Variants in GABRA6 observed in about 807,000 individuals in gnomAD.
GABRA6 encodes gamma-aminobutyric acid type A receptor subunit alpha6.
A neutral mutation model predicts 47.3 loss-of-function variants in GABRA6; 45 were observed. The observed-to-expected ratio is 0.95, with a 90% CI of 0.75 to 1.22. The LOEUF is 1.22. Ranked by LOEUF, GABRA6 falls within the 50% of genes most tolerant of loss-of-function variation. The probability of loss-of-function intolerance (pLI) is 0.00; values close to 1 mark genes in which losing one functional copy is unlikely to be tolerated. For synonymous variants in GABRA6, 219 were observed against 194.7 expected (o/e 1.12, Z -1.04); for missense variants, 583 against 549.3 (o/e 1.06, Z -0.61).
chr5:161,697,513 C>T (rs182015355), intron 8 of GABRA6, among the ~76,000 whole-genome samples: 1 of 152,228 alleles, frequency 6.6e-6, no homozygotes, highest in Non-Finnish European at 1.5e-5. Context: ...CCAATCACTC[C>T]CGGGCAGTGG....
chr5:161,692,933 AATTAT>A (rs2113077115), intron 8 of GABRA6, among the ~76,000 whole-genome samples: 1 of 152,326 alleles, frequency 6.6e-6, no homozygotes, highest in East Asian at 1.9e-4. Context: ...CATAAAATTA[AATTAT>A]AACAACAATT....
Position 161,701,524 on chromosome 5 carries a change from G to GAA in GABRA6, c.1116_1117dup (p.Arg373LysfsTer10). 1.2e-6 allele frequency: 2 copies of GAA among 1,614,136 alleles called. No individual in the cohort carries two copies. Among genetic ancestry groups the GAA allele is most frequent in the Non-Finnish European group, 1.7e-6 (2 of 1,180,022 alleles). Reference sequence around the variant, plus strand: ...ATCCTGACTCCAAATATCATCTGAAGAAAAGGATCACTTCTCTGTCTTTGC... The same window carrying GAA: ...ATCCTGACTCCAAATATCATCTGAAGAAAAAAGGATCACTTCTCTGTCTTTGC... On this transcript the variant is annotated frameshift_variant, in exon 9 of 9. Coordinates refer to ENST00000274545, the MANE Select transcript of GABRA6 (RefSeq NM_000811.3). LOFTEE classifies it high-confidence loss of function.
rs1385191317 is a variant in GABRA6, at chr5:161,689,275, T to C, written c.468T>C (p.Cys156=). ...CTAGGCTTACCATCAATGCTGACTG[T>C]CCCATGAGGCTGGTTAACTTTCCTA... The part of the protein sequence containing the change: ...YTMRLTINAD[C]PMRLVNFPMD... The change falls in exon 5 of 9, where the codon TGT becomes TGC. Residue 156 remains cysteine, a synonymous_variant. Coordinates refer to ENST00000274545, the MANE Select transcript of GABRA6 (RefSeq NM_000811.3). 1 of 1,613,958 alleles carries C rather than the reference T, an allele frequency of 6.2e-7. No individual in the cohort carries two copies. Among genetic ancestry groups the C allele is most frequent in the Admixed American group, 1.7e-5 (1 of 60,004 alleles).
rs1239349002 is a variant in GABRA6, at chr5:161,691,926, T to A, written c.827-15T>A. On this transcript the variant is annotated splice_polypyrimidine_tract_variant and intron_variant, in intron 7 of 8. Coordinates refer to ENST00000274545, the MANE Select transcript of GABRA6 (RefSeq NM_000811.3). Reference sequence around the variant, plus strand: ...CCAGTACTAATATTACAATTCCTATTCTTTTTTATTTTAGGGATCACCACT... The same window carrying A: ...CCAGTACTAATATTACAATTCCTATACTTTTTTATTTTAGGGATCACCACT... 2 of 1,610,900 alleles carry A rather than the reference T, an allele frequency of 1.2e-6. No individual in the cohort carries two copies. The highest frequency in any genetic ancestry group is 2.2e-5 in the South Asian group (2 of 91,022).
In GABRA6 at chr5:161,702,563, A is replaced by T. The variant is rs1219927566; in HGVS notation, c.*790A>T. 6.6e-6 allele frequency: 1 copy of T among 152,186 alleles called. No homozygotes were observed. The highest frequency in any genetic ancestry group is 2.4e-5 in the African/African-American group (1 of 41,464). 9.4% of individuals were successfully genotyped at this position (152,186 alleles called of 1,614,324 possible). ...TCTTGTGTTTTCCACATTTCCAATT[A>T]TAACACTAAATAAAACAACAATAAA... On this transcript the variant is annotated 3_prime_UTR_variant, in exon 9 of 9. Transcript: ENST00000274545.
At position 161,690,319 on chromosome 5, in the gene GABRA6, T is replaced by G. The variant is rs1242250458; in HGVS notation, c.792T>G (p.Ile264Met). 6.2e-7 allele frequency: 1 copy of G among 1,613,732 alleles called. No homozygotes were observed. The highest frequency in any genetic ancestry group is 1.3e-5 in the African/African-American group (1 of 74,926). The change falls in exon 7 of 9, where the codon ATT (isoleucine) becomes ATG (methionine). Residue 264 changes from isoleucine to methionine, a missense_variant. Coordinates refer to ENST00000274545, the MANE Select transcript of GABRA6 (RefSeq NM_000811.3). ...TTCTTTCCCAGGTGTCTTTCTGGAT[T>G]AATAAGGAGTCCGTCCCAGCAAGAA... ...TVILSQVSFW[I>M]NKESVPARTV...
chr5:161,695,905 A>G (rs1754877931), intron 8 of GABRA6, among the ~76,000 whole-genome samples: 1 of 152,004 alleles, frequency 6.6e-6, no homozygotes. Flanking sequence ...TTTATGTGCC[A>G]GGCCTTTTGT....
rs773585316 is a variant in GABRA6, at chr5:161,701,567, G to A, written c.1156G>A (p.Glu386Lys). The A allele has an allele frequency of 7.2e-5, 116 of 1,613,972 alleles. 1 individual carries two copies. Among genetic ancestry groups the A allele is most frequent in the South Asian group, 2.0e-4 (18 of 91,084 alleles). The change falls in exon 9 of 9, where the codon GAG becomes AAG. Residue 386 changes from glutamate (E) to lysine (K), a missense_variant. By Grantham distance (56) the Glu-to-Lys change is moderately conservative. Coordinates refer to ENST00000274545, the MANE Select transcript of GABRA6 (RefSeq NM_000811.3). ...GTCTTTGCCAATAGTTTCATCTTCC[G>A]AGGCCAATAAAGTGCTCACGAGAGC... is the stretch of plus-strand genomic sequence containing the variant. Reference protein sequence around the residue: ...SLSLPIVSSSEANKVLTRAPI... With the variant: ...SLSLPIVSSSKANKVLTRAPI...
At chr5:161,700,064 C>T (rs1273696069) in intron 8 of GABRA6, among the ~76,000 whole-genome samples, 2 of 152,194 alleles carry the variant, frequency 1.3e-5, no homozygotes, top group Admixed American at 1.3e-4. Flanking sequence ...ATTTAGATAC[C>T]CAGTAAGTTT....
In GABRA6 at chr5:161,686,308, G is replaced by A. The variant is rs1581120265; in HGVS notation, c.117G>A (p.Leu39=). 1 of 1,614,060 alleles carries A rather than the reference G, an allele frequency of 6.2e-7. No homozygotes were observed. Among genetic ancestry groups the A allele is most frequent in the South Asian group, 1.1e-5 (1 of 91,088 alleles). The change falls in exon 2 of 9, where the codon TTG becomes TTA. Residue 39 remains leucine (L), a synonymous_variant. Transcript: ENST00000274545. ...ACGTCAGTCGGATCCTGGACAACTT[G>A]CTTGAAGGCTATGACAATCGGCTGC... ...SENVSRILDN[L]LEGYDNRLRP... is the part of the protein sequence containing the mutation.
chr5:161,698,770 C>T (rs1383174855), intron 8 of GABRA6, among the ~76,000 whole-genome samples: 1 of 152,072 alleles, frequency 6.6e-6, no homozygotes, highest in Non-Finnish European at 1.5e-5. Context: ...TTCCAACTCT[C>T]CTTGTTCTCT....
chr5:161,692,146 A>G lies in GABRA6; in HGVS notation c.1032A>G (p.Pro344=), dbSNP rs1001887112. Reference sequence around the variant, plus strand: ...AAAGGAAGGCACAGTTTGCAGCCCCACCCACAGTGACAATATCAAAAGCTA... The same window carrying G: ...AAAGGAAGGCACAGTTTGCAGCCCCGCCCACAGTGACAATATCAAAAGCTA... ...KAKRKAQFAA[P]PTVTISKATE... is the part of the protein sequence containing the mutation. Residue 344 remains proline, a synonymous_variant, in exon 8 of 9, where the codon CCA becomes CCG. Transcript: ENST00000274545. 9 of 1,614,082 alleles carry G rather than the reference A, an allele frequency of 5.6e-6. No homozygotes were observed. The highest frequency in any genetic ancestry group is 6.8e-6 in the Non-Finnish European group (8 of 1,180,022).
chr5:161,688,024 C>T (rs1009587508), intron 3 of GABRA6, among the ~76,000 whole-genome samples: 1 of 152,076 alleles, frequency 6.6e-6, no homozygotes, highest in African/African-American at 2.4e-5. Context: ...CAAGTATAAA[C>T]AACTACAACA....
chr5:161,698,386 A>ATTTCC (rs1754919165), intron 8 of GABRA6, among the ~76,000 whole-genome samples: 1 of 152,128 alleles, frequency 6.6e-6, no homozygotes, highest in Admixed American at 6.6e-5. Context: ...TATGAGGGAA[A>ATTTCC]GATAAAAATG....
chr5:161,687,728 A>T (rs1239651150), intron 3 of GABRA6: 1 of 176,476 alleles, frequency 5.7e-6, no homozygotes, highest in Non-Finnish European at 1.2e-5. Context: ...TATTAAGGAA[A>T]TGTAATTCTA....
At chr5:161,687,916 A>T (rs1490397493) in intron 3 of GABRA6, among the ~76,000 whole-genome samples, 1 of 151,366 alleles carries the variant, frequency 6.6e-6, no homozygotes, top group Non-Finnish European at 1.5e-5. Context: ...TATTCAAGAG[A>T]TAATTATCTT....
chr5:161,701,517 A>G lies in GABRA6; in HGVS notation c.1106A>G (p.His369Arg). 3.1e-6 allele frequency: 5 copies of G among 1,614,174 alleles called. No homozygotes were observed. Among genetic ancestry groups the G allele is most frequent in the Non-Finnish European group, 4.2e-6 (5 of 1,180,026 alleles). The change falls in exon 9 of 9, where the codon CAT becomes CGT. Residue 369 changes from histidine (H) to arginine (R), a missense_variant. Transcript: ENST00000274545. ...EIVLHPDSKY[H>R]LKKRITSLSL... ...CCACAGCATCCTGACTCCAAATATC[A>G]TCTGAAGAAAAGGATCACTTCTCTG... is the stretch of plus-strand genomic sequence containing the variant.
chr5:161,694,281 TTTC>T (rs1754850971), intron 8 of GABRA6, among the ~76,000 whole-genome samples: 1 of 151,256 alleles, frequency 6.6e-6, no homozygotes, highest in South Asian at 2.1e-4. Flanking sequence ...AGCTTACCAG[TTTC>T]TTATTTGAGT....
chr5:161,690,329 T>C lies in GABRA6; in HGVS notation c.802T>C (p.Ser268Pro), dbSNP rs1228510315. The C allele has an allele frequency of 1.9e-6, 3 of 1,613,610 alleles. No individual in the cohort carries two copies. Among genetic ancestry groups the C allele is most frequent in the Non-Finnish European group, 2.5e-6 (3 of 1,179,830 alleles). The part of the protein sequence containing the change: ...SQVSFWINKE[S>P]VPARTVFGIT... ...GGTGTCTTTCTGGATTAATAAGGAG[T>C]CCGTCCCAGCAAGAACTGTTTTTGG... The change falls in exon 7 of 9, where the codon TCC becomes CCC. Residue 268 changes from serine (S) to proline (P), a missense_variant. By Grantham distance (74) the Ser-to-Pro change is moderately conservative. Coordinates refer to ENST00000274545, the MANE Select transcript of GABRA6 (RefSeq NM_000811.3).
Sources: allele counts gnomAD v4.1 joint callset (sites outside exome capture counted in the v4.1 genomes callset), GRCh38; gene constraint gnomAD v4.1.1; transcripts MANE v1.5; gene names NCBI Gene and HGNC (gene_info 2026-07-23, HGNC 2026-07-21).